The following ARHGEF7 variants were observed in gnomAD, a reference collection of about 807,000 sequenced individuals.
The protein encoded by ARHGEF7 is PAK-interacting exchange factor beta.
Under a neutral mutation model 109.8 loss-of-function variants are expected in ARHGEF7, and 33 were observed. The ratio of observed to expected loss-of-function variants is 0.30; its 90% CI spans 0.23 to 0.40. The LOEUF is 0.40. Among genes scored for constraint, ARHGEF7 ranks in the 10% least tolerant of loss-of-function variants. ARHGEF7 has a pLI of 1.00. For synonymous variants in ARHGEF7, 458 were observed against 424.6 expected (o/e 1.08, Z -0.97); for missense variants, 938 against 1,098.5 (o/e 0.85, Z 2.07).
intron 1 of ARHGEF7, among the ~76,000 whole-genome samples, chr13:111,125,861 A>T (rs1004741836): frequency 6.6e-6 from 1 of 152,260 alleles, no homozygotes; most frequent in Middle Eastern, 3.2e-3. Context: ...ATGCCAAAAG[A>T]TTGTGGCTTT....
chr13:111,168,214 C>G (rs2153408560), intron 2 of ARHGEF7, among the ~76,000 whole-genome samples: 1 of 152,246 alleles, frequency 6.6e-6, no homozygotes, highest in South Asian at 2.1e-4. Context: ...CTCCCCTGTG[C>G]CTGCTTCTCT....
intron 19 of ARHGEF7, among the ~76,000 whole-genome samples, chr13:111,300,350 A>G (rs531163891): frequency 6.6e-6 from 1 of 152,320 alleles, no homozygotes; most frequent in Admixed American, 6.5e-5. Flanking sequence ...TTGATGTATA[A>G]ACACTCACTG....
chr13:111,166,356 T>A (rs557155354), intron 2 of ARHGEF7, among the ~76,000 whole-genome samples: 1 of 152,194 alleles, frequency 6.6e-6, no homozygotes, highest in Admixed American at 6.5e-5. Flanking sequence ...CTCCAAGTGA[T>A]ATGGAGCCTC....
chr13:111,203,002 A>G (rs1594668685), intron 2 of ARHGEF7: 2 of 1,153,800 alleles, frequency 1.7e-6, no homozygotes, highest in Non-Finnish European at 2.2e-6. Context: ...AGCCAATCAG[A>G]TGCTTCCTGG....
intron 6 of ARHGEF7, chr13:111,241,003 A>G: frequency 1.4e-6 from 1 of 723,620 alleles, no homozygotes. Flanking sequence ...TGATGCAACG[A>G]ATAAAGTGTC....
rs1424285095 is a variant in ARHGEF7, at chr13:111,258,757, A to G, written c.951-8791A>G. Among the ~76,000 whole-genome samples the G allele has an allele frequency of 6.6e-6, 1 of 152,166 alleles. No individual in the cohort carries two copies. The highest frequency in any genetic ancestry group is 2.1e-4 in the South Asian group (1 of 4,828). On this transcript the variant is annotated intron_variant, in intron 8 of 21. Transcript: ENST00000646102. The surrounding 1 kb of genome is among the most constrained non-coding windows in gnomAD (Gnocchi z 4.4). ...TATCTGCCCAGCCACAGTGAGGTGG[A>G]ACATCAAGTGGGCTCTTGGGAGTCC... is the stretch of plus-strand genomic sequence containing the variant.
At chr13:111,116,013 G>A (rs1375539892) in intron 1 of ARHGEF7, among the ~76,000 whole-genome samples, 1 of 152,072 alleles carries the variant, frequency 6.6e-6, no homozygotes, top group Non-Finnish European at 1.5e-5. Flanking sequence ...CTCCGCGTGG[G>A]GGGCCGGCCC....
chr13:111,197,253 C>G, intron 2 of ARHGEF7, among the ~76,000 whole-genome samples: 1 of 151,542 alleles, frequency 6.6e-6, no homozygotes, highest in South Asian at 2.1e-4. Context: ...ACACCTCTTG[C>G]CCAAGAACCC....
intron 2 of ARHGEF7, chr13:111,185,193 A>T (rs1336646539): frequency 6.6e-6 from 1 of 152,220 alleles, no homozygotes; most frequent in Non-Finnish European, 1.5e-5. Flanking sequence ...GCTTCCCATC[A>T]GGAAGAAGGG....
chr13:111,293,650 G>C (rs1377116304), intron 19 of ARHGEF7: 1 of 985,222 alleles, frequency 1.0e-6, no homozygotes, highest in Non-Finnish European at 1.2e-6. Flanking sequence ...GAACCTTACG[G>C]TTGTGTTTTA....
In ARHGEF7 at chr13:111,283,151, C is replaced by T; in HGVS notation, c.1738C>T (p.Pro580Ser). The T allele has an allele frequency of 6.3e-7, 1 of 1,588,594 alleles. No individual in the cohort carries two copies. The highest frequency in any genetic ancestry group is 8.6e-7 in the Non-Finnish European group (1 of 1,167,896). Residue 580 changes from proline (P) to serine (S), a missense_variant, in exon 16 of 22, where the codon CCG becomes TCG. This residue lies in a region of ARHGEF7 where 585 missense variants were observed against 723.6 expected (regional missense o/e 0.81). Coordinates refer to ENST00000646102, the MANE Select transcript of ARHGEF7 (RefSeq NM_001354046.2). ...GTGCCCTTGGCAGCTCCCCTCCCAC[C>T]CGGTCACTCCGTCCAGCAAGCACGC... ...SVPSHTLPSH[P>S]VTPSSKHADS...
At chr13:111,283,025 G>T in intron 15 of ARHGEF7, 114 bp from the exon 16 acceptor site, 1 of 1,300,232 alleles carries the variant, frequency 7.7e-7, no homozygotes, top group Non-Finnish European at 1.1e-6. Context: ...AAATCCTGAG[G>T]TTTATTTCAC....
chr13:111,288,304 C>T (rs1471953313), intron 17 of ARHGEF7, 50 bp from the exon 18 acceptor site: 2 of 1,335,888 alleles, frequency 1.5e-6, no homozygotes, highest in Admixed American at 1.7e-5. Flanking sequence ...TCGCCAGTTG[C>T]CCTAGAGGCC....
At chr13:111,187,412 G>A (rs1398077848) in intron 2 of ARHGEF7, among the ~76,000 whole-genome samples, 2 of 152,184 alleles carry the variant, frequency 1.3e-5, no homozygotes, top group Non-Finnish European at 2.9e-5. Context: ...ACTCAGGAGA[G>A]TAGGAAAGAG....
At chr13:111,216,292 T>A (rs2083132143) in intron 4 of ARHGEF7, among the ~76,000 whole-genome samples, 1 of 152,024 alleles carries the variant, frequency 6.6e-6, no homozygotes, top group Non-Finnish European at 1.5e-5. Context: ...GGGTGATGAT[T>A]GGCCTGCTAG....
chr13:111,197,884 G>T (rs1422352453), intron 2 of ARHGEF7, among the ~76,000 whole-genome samples: 1 of 152,176 alleles, frequency 6.6e-6, no homozygotes, highest in South Asian at 2.1e-4. Flanking sequence ...GAGAAGAGAG[G>T]TGAGAGGACG....
At chr13:111,268,964 C>T (rs777008031) in intron 9 of ARHGEF7, among the ~76,000 whole-genome samples, 44 of 152,296 alleles carry the variant, frequency 2.9e-4, no homozygotes, top group Admixed American at 6.5e-4. Flanking sequence ...GTTACTAAAG[C>T]ATCTGCAGCC....
At chr13:111,118,472 T>C (rs371693026) in intron 1 of ARHGEF7, among the ~76,000 whole-genome samples, 112 of 152,170 alleles carry the variant, frequency 7.4e-4, no homozygotes, top group African/African-American at 2.5e-3. Flanking sequence ...GAGAGGAAAA[T>C]GGGATTAAAA....
rs906248059 is a variant in ARHGEF7, at chr13:111,273,371, A to G, written c.1074-443A>G. Among the ~76,000 whole-genome samples the G allele has an allele frequency of 4.6e-5, 7 of 152,170 alleles. No individual in the cohort carries two copies. The highest frequency in any genetic ancestry group is 1.7e-4 in the African/African-American group (7 of 41,442). ...TAGGTGGGGCCTGCTCGCTGGACGAACTCGCATCTGGGGATGACTACCATC... is the reference window on the plus strand; with the variant it reads ...TAGGTGGGGCCTGCTCGCTGGACGAGCTCGCATCTGGGGATGACTACCATC... On this transcript the variant is annotated intron_variant, in intron 9 of 21. Transcript: ENST00000646102. This position sits in a 1 kb window ranked among gnomAD's most constrained non-coding sequence, Gnocchi z 4.5.
Sources: allele counts gnomAD v4.1 joint callset (sites outside exome capture counted in the v4.1 genomes callset), GRCh38; gene constraint gnomAD v4.1.1; regional missense constraint gnomAD v4.1.1; non-coding constraint Gnocchi (gnomAD v3.1); transcripts MANE v1.5; gene names NCBI Gene and HGNC (gene_info 2026-07-23, HGNC 2026-07-21).